UNC13C: variants seen among roughly 807,000 people sequenced by gnomAD.
UNC13C encodes protein unc-13 homolog C.
Under a neutral mutation model 245.4 loss-of-function variants are expected in UNC13C, and 174 were observed. The ratio of observed to expected loss-of-function variants is 0.71; its 90% CI spans 0.63 to 0.80. The LOEUF (loss-of-function observed/expected upper bound fraction) is 0.80, where lower values mean the gene tolerates loss of function less well. Ranked by LOEUF, UNC13C falls within the 30% of genes least tolerant of loss-of-function variation. UNC13C has a pLI of 0.00. For synonymous variants in UNC13C, 992 were observed against 895.1 expected (o/e 1.11, Z -1.93); for missense variants, 2,829 against 2,602.9 (o/e 1.09, Z -1.89).
intron 19 of UNC13C, among the ~76,000 whole-genome samples, chr15:54,449,547 T>C (rs577359391): frequency 3.9e-5 from 6 of 152,350 alleles, no homozygotes; most frequent in African/African-American, 1.4e-4. Context: ...ACTGATACCC[T>C]TTCTTCCAGC....
intron 8 of UNC13C, among the ~76,000 whole-genome samples, chr15:54,251,361 A>G (rs919617443): frequency 6.6e-6 from 1 of 152,176 alleles, no homozygotes; most frequent in Non-Finnish European, 1.5e-5. Flanking sequence ...TATGGGCAGG[A>G]ATAACAAAAT....
chr15:53,887,033 A>G, the UNC13C span, among the ~76,000 whole-genome samples: 1 of 152,332 alleles, frequency 6.6e-6, no homozygotes, highest in African/African-American at 2.4e-5. Flanking sequence ...GGTATCCTGT[A>G]TGGAATCCTG....
At chr15:54,350,616 T>C (rs1037968845) in intron 17 of UNC13C, among the ~76,000 whole-genome samples, 10 of 152,308 alleles carry the variant, frequency 6.6e-5, no homozygotes, top group African/African-American at 2.4e-4. Context: ...AAACTTTGTA[T>C]AACTTTTCAA....
chr15:54,356,566 T>C (rs74657465), intron 17 of UNC13C, among the ~76,000 whole-genome samples: 7,253 of 152,234 alleles, frequency 0.048, 252 homozygotes, highest in Admixed American at 0.11. Flanking sequence ...TCCAAGGTAG[T>C]GACTTCTTGC....
chr15:53,873,938 TCCTTCCTTCCTTCCTTC>T, the UNC13C span, among the ~76,000 whole-genome samples: 1 of 140,322 alleles, frequency 7.1e-6, no homozygotes, highest in Non-Finnish European at 1.5e-5. Flanking sequence ...CTTCCTTCCT[TCCTTCCTTCCTTCCTTC>T]CTTCCTTCCT....
At chr15:53,884,199 CTG>C in the UNC13C span, among the ~76,000 whole-genome samples, 1 of 152,126 alleles carries the variant, frequency 6.6e-6, no homozygotes, top group Non-Finnish European at 1.5e-5. Flanking sequence ...AAATGGGAAA[CTG>C]TGGAGCAGGA....
chr15:54,355,729 A>G (rs1161123856), intron 17 of UNC13C, among the ~76,000 whole-genome samples: 1 of 152,134 alleles, frequency 6.6e-6, no homozygotes, highest in Non-Finnish European at 1.5e-5. Context: ...ACATAATTTA[A>G]AAGATTTTTT....
chr15:54,274,754 C>T (rs1404870528), intron 10 of UNC13C, among the ~76,000 whole-genome samples: 1 of 138,608 alleles, frequency 7.2e-6, no homozygotes, highest in African/African-American at 2.8e-5. Flanking sequence ...TCAATGCAAG[C>T]TCCGCCTCCT....
At chr15:54,167,602 G>GAAAAAAAAAA (rs35210236) in intron 4 of UNC13C, among the ~76,000 whole-genome samples, 12 of 63,558 alleles carry the variant, frequency 1.9e-4, no homozygotes, top group African/African-American at 2.4e-4. Flanking sequence ...ATCCAAATAG[G>GAAAAAAAAAA]AAAAAAAAAA....
At chr15:54,008,202 T>G (rs1390470656) in intron 1 of UNC13C, among the ~76,000 whole-genome samples, 3 of 152,238 alleles carry the variant, frequency 2.0e-5, no homozygotes, top group African/African-American at 7.2e-5. Context: ...TATTTCCCAT[T>G]AAACACTAAT....
chr15:54,219,660 G>A (rs1161894858), intron 4 of UNC13C, among the ~76,000 whole-genome samples: 2 of 151,244 alleles, frequency 1.3e-5, no homozygotes, highest in African/African-American at 2.4e-5. Context: ...GAGTGAACAG[G>A]CAACCTACAA....
chr15:53,892,997 TC>T, the UNC13C span, among the ~76,000 whole-genome samples: 2 of 152,130 alleles, frequency 1.3e-5, no homozygotes, highest in African/African-American at 4.8e-5. Context: ...TTTCCCCCCA[TC>T]TTTGTGGATT....
chr15:54,175,719 C>T (rs7180602), intron 4 of UNC13C, among the ~76,000 whole-genome samples: 47,919 of 151,620 alleles, frequency 0.32, 8,310 homozygotes, highest in East Asian at 0.44. Flanking sequence ...CACAGCTCCA[C>T]AGAGAAATAC....
intron 26 of UNC13C, among the ~76,000 whole-genome samples, chr15:54,537,261 A>C (rs1337868218): frequency 6.6e-6 from 1 of 151,936 alleles, no homozygotes; most frequent in Non-Finnish European, 1.5e-5. Flanking sequence ...AAATCCCTAG[A>C]AATACAGCTA....
chr15:54,344,814 C>T (rs2038822436), intron 17 of UNC13C, among the ~76,000 whole-genome samples: 1 of 152,114 alleles, frequency 6.6e-6, no homozygotes, highest in Non-Finnish European at 1.5e-5. Context: ...CAGAATCAGA[C>T]CACTTTTCAC....
intron 4 of UNC13C, among the ~76,000 whole-genome samples, chr15:54,187,127 T>A (rs894898711): frequency 1.3e-5 from 2 of 152,096 alleles, no homozygotes; most frequent in African/African-American, 2.4e-5. Flanking sequence ...TAAAAGTTGG[T>A]ATGAGCTCAC....
chr15:54,309,506 T>A (rs977105757), intron 13 of UNC13C, among the ~76,000 whole-genome samples: 1 of 151,914 alleles, frequency 6.6e-6, no homozygotes, highest in Non-Finnish European at 1.5e-5. Context: ...CTTTTTAGGT[T>A]AATTCAATCC....
At chr15:54,296,894 C>T (rs991595036) in intron 11 of UNC13C, among the ~76,000 whole-genome samples, 1 of 152,220 alleles carries the variant, frequency 6.6e-6, no homozygotes, top group African/African-American at 2.4e-5. Flanking sequence ...CTCTATTTAT[C>T]GCAAAGCTAT....
chr15:54,172,764 TTACTC>T (rs1338019228), intron 4 of UNC13C, among the ~76,000 whole-genome samples: 2 of 111,560 alleles, frequency 1.8e-5, no homozygotes, highest in South Asian at 3.2e-4. Context: ...ATATATATCT[TTACTC>T]TATAGGTCAT....
Sources: gnomAD v4.1 joint callset for allele counts (sites outside exome capture counted in the v4.1 genomes callset) on GRCh38, gnomAD v4.1.1 for gene constraint, MANE v1.5 for transcripts, NCBI Gene and HGNC (gene_info 2026-07-23, HGNC 2026-07-21) for gene names.